The following GABRA3 variants were observed in gnomAD, a reference collection of about 807,000 sequenced individuals.
GABRA3 encodes gamma-aminobutyric acid receptor subunit alpha-3.
In GABRA3, 10 loss-of-function variants were observed where a neutral mutation model predicts 30.1. That is an observed-to-expected ratio of 0.33 (90% CI 0.20 to 0.56). The LOEUF (loss-of-function observed/expected upper bound fraction) is 0.56. Among genes scored for constraint, GABRA3 ranks in the 20% least tolerant of loss-of-function variants. The pLI is 0.89. For synonymous variants in GABRA3, 151 were observed against 146.8 expected (o/e 1.03, Z -0.21); for missense variants, 233 against 392.0 (o/e 0.59, Z 3.42).
chrX:152,332,875 C>T (rs186660936), intron 3 of GABRA3, among the ~76,000 whole-genome samples: 1 of 112,404 alleles, frequency 8.9e-6, no homozygotes, highest in Non-Finnish European at 1.9e-5. Flanking sequence ...GTCAAAAATT[C>T]TCTTTGGAGG....
At chrX:152,423,985 T>C (rs1394557931) in intron 1 of GABRA3, among the ~76,000 whole-genome samples, 4 of 111,675 alleles carry the variant, frequency 3.6e-5, no homozygotes, top group African/African-American at 1.3e-4. Flanking sequence ...AGATAACTAA[T>C]ATATTAATTT....
At position 152,303,322 on chromosome X, in the gene GABRA3, G is replaced by A. The variant is rs147383748; in HGVS notation, c.263-18587C>T. Among the ~76,000 whole-genome samples the A allele has an allele frequency of 3.3e-3, 365 of 111,819 alleles. 2 individuals are homozygous for A. The highest frequency in any genetic ancestry group is 5.8e-3 in the Non-Finnish European group (308 of 53,228). On this transcript the variant is annotated intron_variant, in intron 3 of 9. Coordinates refer to ENST00000370314, the MANE Select transcript of GABRA3 (RefSeq NM_000808.4). The stretch of plus-strand genomic sequence containing the variant: ...AAAAAGTCAGGAAACAACAGATGCC[G>A]GCCAGGATGTGGAGGAATAGGAACG...
chrX:152,325,157 A>G (rs1940032792), intron 3 of GABRA3, among the ~76,000 whole-genome samples: 1 of 111,458 alleles, frequency 9.0e-6, no homozygotes, highest in Non-Finnish European at 1.9e-5. Flanking sequence ...CTTGTATCCC[A>G]AGTGAGAAGT....
At chrX:152,257,367 G>T (rs890651834) in intron 4 of GABRA3, among the ~76,000 whole-genome samples, 2 of 112,015 alleles carry the variant, frequency 1.8e-5, no homozygotes, top group African/African-American at 3.2e-5. Context: ...ACTACACAAG[G>T]CACAGGGGAC....
intron 2 of GABRA3, among the ~76,000 whole-genome samples, chrX:152,348,535 TCAGTGGTAAATTCA>T (rs2124483562): frequency 9.0e-6 from 1 of 111,674 alleles, no homozygotes; most frequent in Non-Finnish European, 1.9e-5. Flanking sequence ...TAAAGATGGA[TCAGTGGTAAATTCA>T]CAGGACCAGA....
chrX:152,338,452 C>T (rs1200627218), intron 3 of GABRA3, among the ~76,000 whole-genome samples: 3 of 111,768 alleles, frequency 2.7e-5, no homozygotes, highest in African/African-American at 6.5e-5. Flanking sequence ...AGATAGGTAG[C>T]TTGCAAATAT....
At chrX:152,201,097 T>C (rs980177230) in intron 7 of GABRA3, among the ~76,000 whole-genome samples, 2 of 112,640 alleles carry the variant, frequency 1.8e-5, no homozygotes, top group Non-Finnish European at 3.8e-5. Flanking sequence ...ATCATTTCTA[T>C]GGGTGGAACT....
At chrX:152,237,603 C>T (rs1293515769) in intron 5 of GABRA3, among the ~76,000 whole-genome samples, 2 of 106,517 alleles carry the variant, frequency 1.9e-5, no homozygotes, top group East Asian at 3.0e-4. Context: ...GCCATTTTCA[C>T]GATATTGATT....
At chrX:152,319,200 C>A (rs1939923823) in intron 3 of GABRA3, among the ~76,000 whole-genome samples, 1 of 111,574 alleles carries the variant, frequency 9.0e-6, no homozygotes, top group Admixed American at 9.5e-5. Context: ...GTACCACCAC[C>A]ATTCTTCACA....
chrX:152,420,277 A>G (rs1930341889), intron 1 of GABRA3, among the ~76,000 whole-genome samples: 1 of 111,391 alleles, frequency 9.0e-6, no homozygotes, highest in South Asian at 3.7e-4. Context: ...AGGCAATACA[A>G]TAAGGCAGGA....
intron 1 of GABRA3, among the ~76,000 whole-genome samples, chrX:152,408,080 T>C (rs1012905506): frequency 1.8e-5 from 2 of 110,993 alleles, no homozygotes; most frequent in South Asian, 7.6e-4. Flanking sequence ...TATCTCAACA[T>C]GATAAAAGCC....
chrX:152,287,079 C>A (rs947418526), intron 3 of GABRA3, among the ~76,000 whole-genome samples: 5 of 111,620 alleles, frequency 4.5e-5, no homozygotes, highest in Non-Finnish European at 7.5e-5. Flanking sequence ...ATTGTCCTAT[C>A]CCCAAATACA....
intron 1 of GABRA3, among the ~76,000 whole-genome samples, chrX:152,406,925 C>A (rs1445455945): frequency 9.0e-6 from 1 of 111,607 alleles, no homozygotes; most frequent in Non-Finnish European, 1.9e-5. Flanking sequence ...TGGAATATAA[C>A]TAGAAATTAA....
intron 7 of GABRA3, among the ~76,000 whole-genome samples, chrX:152,199,239 A>T (rs757657201): frequency 9.5e-6 from 1 of 105,273 alleles, no homozygotes; most frequent in Non-Finnish European, 2.0e-5. Flanking sequence ...GGTGGCGGGC[A>T]CCTGTAGTCC....
chrX:152,258,614 G>C (rs769659264), intron 4 of GABRA3, among the ~76,000 whole-genome samples: 53 of 111,615 alleles, frequency 4.7e-4, no homozygotes, highest in Middle Eastern at 4.7e-3. Context: ...ATAGATCCCA[G>C]CCAGTACATA....
At chrX:152,418,565 A>G (rs1245302786) in intron 1 of GABRA3, among the ~76,000 whole-genome samples, 1 of 112,037 alleles carries the variant, frequency 8.9e-6, no homozygotes, top group East Asian at 2.8e-4. Context: ...CATGTATTTG[A>G]AAAGACGGAA....
intron 3 of GABRA3, among the ~76,000 whole-genome samples, chrX:152,318,404 G>C (rs1387366000): frequency 9.0e-6 from 1 of 111,641 alleles, no homozygotes; most frequent in Non-Finnish European, 1.9e-5. Context: ...ATTCAAAGTA[G>C]AATTGGTACC....
chrX:152,211,466 G>GA (rs1329733420), intron 6 of GABRA3, among the ~76,000 whole-genome samples: 1 of 110,994 alleles, frequency 9.0e-6, no homozygotes, highest in African/African-American at 3.3e-5. Flanking sequence ...GATTTGAGGA[G>GA]AAAAAAATAC....
intron 1 of GABRA3, among the ~76,000 whole-genome samples, chrX:152,366,467 A>C (rs769838789): frequency 8.9e-6 from 1 of 112,247 alleles, no homozygotes; most frequent in Non-Finnish European, 1.9e-5. Flanking sequence ...CTATTCTACT[A>C]TATCACTATG....
Sources: allele counts gnomAD v4.1 joint callset (sites outside exome capture counted in the v4.1 genomes callset), GRCh38; gene constraint gnomAD v4.1.1; transcripts MANE v1.5; gene names NCBI Gene and HGNC (gene_info 2026-07-23, HGNC 2026-07-21).